The following CFAP61 variants were observed in gnomAD, a reference collection of about 807,000 sequenced individuals.
CFAP61 encodes the protein cilia and flagella associated protein 61, also known as cilia- and flagella-associated protein 61.
A neutral mutation model predicts 135.6 loss-of-function variants in CFAP61; 107 were observed. That is an observed-to-expected ratio of 0.79 (90% CI 0.67 to 0.93). The LOEUF (loss-of-function observed/expected upper bound fraction) is 0.93, where lower values mean the gene tolerates loss of function less well. CFAP61 is among the 40% of genes least tolerant of loss of function. The pLI is 0.00. For missense variants in CFAP61, 1,507 were observed against 1,556.2 expected (o/e 0.97, Z 0.53); for synonymous variants, 575 against 578.5 (o/e 0.99, Z 0.09).
intron 8 of CFAP61, among the ~76,000 whole-genome samples, chr20:20,137,261 A>G (rs139804252): frequency 1.1e-3 from 166 of 152,160 alleles, no homozygotes; most frequent in South Asian, 1.2e-3. Context: ...CACTACCTAC[A>G]TTCTCTCAAG....
rs1358188419 is a variant in CFAP61, at chr20:20,148,926, A to G, written c.951+5978A>G. On this transcript the variant is annotated intron_variant, in intron 9 of 26. Coordinates refer to ENST00000245957, the MANE Select transcript of CFAP61 (RefSeq NM_015585.4). Reference sequence around the variant, plus strand: ...CCTCATTCAATATGATGTTGACAATACTTTCTTAATTTTGCAATACACTGA... The same window carrying G: ...CCTCATTCAATATGATGTTGACAATGCTTTCTTAATTTTGCAATACACTGA... Among the ~76,000 whole-genome samples, 5 of 152,040 alleles carry G rather than the reference A, an allele frequency of 3.3e-5. No homozygotes were observed. In the East Asian group the frequency reaches 9.6e-4, roughly 29 times the overall value.
chr20:20,052,879 C>A (rs2043862186), intron 1 of CFAP61: 2 of 681,266 alleles, frequency 2.9e-6, no homozygotes. Context: ...TCTCTGGGTC[C>A]ACGCCCCCTC....
Position 20,070,881 on chromosome 20 carries a change from C to A in CFAP61, c.171C>A (p.Leu57=), listed in dbSNP as rs61746667. ...AAAAGGCCAACCTTGCTGTTACCCTCTGCAATGACAAGGAGGAGATCATGG... is the reference window on the plus strand; with the variant it reads ...AAAAGGCCAACCTTGCTGTTACCCTATGCAATGACAAGGAGGAGATCATGG... The part of the protein sequence containing the change: ...LLEKANLAVT[L]CNDKEEIMAQ... Residue 57 remains leucine, a synonymous_variant, in exon 3 of 27, where the codon CTC becomes CTA. Transcript: ENST00000245957. 4,837 of 1,613,896 alleles carry A rather than the reference C, an allele frequency of 3.0e-3. 154 individuals are homozygous for A. The African/African-American group carries it at 0.059, about 20-fold the overall frequency.
At chr20:20,056,020 A>C in intron 1 of CFAP61, 1 of 1,602,102 alleles carries the variant, frequency 6.2e-7, no homozygotes, top group Non-Finnish European at 8.5e-7. Context: ...GTCATTAGAG[A>C]TTCTCTTCCC....
At chr20:20,200,933 C>T in intron 17 of CFAP61, 1 of 985,400 alleles carries the variant, frequency 1.0e-6, no homozygotes, top group Non-Finnish European at 1.2e-6. Flanking sequence ...CAGACCAACT[C>T]AGAGGCAGCT....
intron 20 of CFAP61, among the ~76,000 whole-genome samples, chr20:20,252,568 C>T (rs2051027876): frequency 6.6e-6 from 1 of 151,476 alleles, no homozygotes; most frequent in Admixed American, 6.6e-5. Context: ...TTTTTTTCTT[C>T]AGCTTATCAG....
intron 20 of CFAP61, chr20:20,253,217 CT>C (rs1462765321): frequency 2.1e-5 from 3 of 146,186 alleles, no homozygotes; most frequent in Non-Finnish European, 4.5e-5. Context: ...TCCTTTCTTC[CT>C]TCCTTCTTTC....
At chr20:20,142,784 C>A in intron 8 of CFAP61, 73 bp from the exon 9 acceptor site, 1 of 821,116 alleles carries the variant, frequency 1.2e-6, no homozygotes, top group Non-Finnish European at 2.0e-6. Context: ...TGTGACCATG[C>A]TGTCTAATTT....
In CFAP61 at chr20:20,319,910, C is replaced by T. The variant is rs937312363; in HGVS notation, c.3422+21524C>T. ...GGAGGCAGCCAGACCTCATGCAGTC[C>T]TTGGTGGGAAAACACACCACCTGCG... is the stretch of plus-strand genomic sequence containing the variant. On this transcript the variant is annotated intron_variant, in intron 25 of 26. Coordinates refer to ENST00000245957, the MANE Select transcript of CFAP61 (RefSeq NM_015585.4). 2.0e-5 allele frequency among the ~76,000 whole-genome samples: 3 copies of T among 152,230 alleles called. No homozygotes were observed. In the East Asian group the frequency reaches 5.8e-4, roughly 29 times the overall value.
rs562241481 is a variant in CFAP61 at position 20,276,110 on chromosome 20, T to C, written c.2504-1056T>C. Among the ~76,000 whole-genome samples, 173 of 152,362 alleles carry C rather than the reference T, an allele frequency of 1.1e-3. 1 individual carries two copies. The highest frequency in any genetic ancestry group is 2.0e-3 in the Non-Finnish European group (138 of 68,038). ...GCCATCTGAAAGTTACTGTAGTTTA[T>C]TTTTCCTAAGCAAACAAGACAAGCC... On this transcript the variant is annotated intron_variant, in intron 21 of 26. Transcript: ENST00000245957.
chr20:20,255,640 G>A (rs1315267002), intron 20 of CFAP61, among the ~76,000 whole-genome samples: 1 of 152,074 alleles, frequency 6.6e-6, no homozygotes, highest in Non-Finnish European at 1.5e-5. Flanking sequence ...CACCAGTGCT[G>A]TACCTCCCAG....
At chr20:20,052,867 AG>A in intron 1 of CFAP61, 1 of 743,812 alleles carries the variant, frequency 1.3e-6, no homozygotes, top group East Asian at 2.7e-5. Flanking sequence ...GCATTCTAGT[AG>A]TCTCTGGGTC....
intron 13 of CFAP61, among the ~76,000 whole-genome samples, chr20:20,185,444 C>T (rs1442525864): frequency 6.6e-6 from 1 of 152,124 alleles, no homozygotes; most frequent in Non-Finnish European, 1.5e-5. Flanking sequence ...TTCTTAGATG[C>T]ATTTTGAAAG....
At chr20:20,192,411 C>T (rs929621335) in intron 15 of CFAP61, among the ~76,000 whole-genome samples, 2 of 152,004 alleles carry the variant, frequency 1.3e-5, no homozygotes, top group Non-Finnish European at 2.9e-5. Flanking sequence ...TTTGGCTGCC[C>T]GTTGGGTTTG....
intron 6 of CFAP61, among the ~76,000 whole-genome samples, chr20:20,089,836 G>A (rs2047061715): frequency 6.6e-6 from 1 of 152,186 alleles, no homozygotes; most frequent in Non-Finnish European, 1.5e-5. Flanking sequence ...GATGTCCCCA[G>A]GAGGGTGAGC....
intron 8 of CFAP61, among the ~76,000 whole-genome samples, chr20:20,104,554 G>C (rs137912778): frequency 5.1e-4 from 78 of 152,184 alleles, no homozygotes; most frequent in African/African-American, 1.9e-3. Context: ...TTCCAAACAG[G>C]ACTGGAGCAC....
In CFAP61 at chr20:20,359,697, A is replaced by ACCACAG. The variant is rs11473341; in HGVS notation, c.3514-513_3514-512insCCACAG. ...AAAAAACAAAACAACAACAACAACA[A>ACCACAG]AACAAGTATGATCTACAGATGATTT... On this transcript the variant is annotated intron_variant, in intron 26 of 26. Coordinates refer to ENST00000245957, the MANE Select transcript of CFAP61 (RefSeq NM_015585.4). This position sits in a 1 kb window ranked among gnomAD's most constrained non-coding sequence, Gnocchi z 4.0. Among the ~76,000 whole-genome samples, 1 of 151,178 alleles carries ACCACAG rather than the reference A, an allele frequency of 6.6e-6. No homozygotes were observed. Among genetic ancestry groups the ACCACAG allele is most frequent in the Non-Finnish European group, 1.5e-5 (1 of 67,796 alleles).
intron 25 of CFAP61, among the ~76,000 whole-genome samples, chr20:20,301,533 C>G (rs777457748): frequency 2.6e-5 from 4 of 152,196 alleles, no homozygotes; most frequent in Non-Finnish European, 5.9e-5. Flanking sequence ...ACCTGCCAAG[C>G]CTTGGTACTG....
intron 1 of CFAP61, chr20:20,056,151 T>C (rs1600305553): frequency 3.2e-6 from 2 of 634,776 alleles, no homozygotes; most frequent in East Asian, 5.8e-5. Flanking sequence ...TTTCCTACAC[T>C]TAACCACAGA....
Sources: allele counts gnomAD v4.1 joint callset (sites outside exome capture counted in the v4.1 genomes callset), GRCh38; gene constraint gnomAD v4.1.1; non-coding constraint Gnocchi (gnomAD v3.1); transcripts MANE v1.5; gene names NCBI Gene and HGNC (gene_info 2026-07-23, HGNC 2026-07-21).